The following MOK variants were observed in gnomAD, a reference collection of about 807,000 sequenced individuals.
MOK encodes the protein MOK protein kinase.
Under a neutral mutation model 54.2 loss-of-function variants are expected in MOK, and 59 were observed. The observed-to-expected ratio is 1.09, with a 90% CI of 0.88 to 1.35. The LOEUF (loss-of-function observed/expected upper bound fraction) is 1.35. Among genes scored for constraint, MOK ranks in the 40% most tolerant of loss-of-function variants. The pLI, the probability that MOK is intolerant of heterozygous loss-of-function variation, is 0.00. For synonymous variants in MOK, 210 were observed against 202.7 expected, an observed-to-expected ratio of 1.04 and a Z score of -0.31; for missense variants, 517 against 526.2, an observed-to-expected ratio of 0.98 and a Z score of 0.17.
the MOK span, among the ~76,000 whole-genome samples, chr14:102,217,353 C>G: frequency 2.0e-5 from 3 of 152,178 alleles, no homozygotes; most frequent in Admixed American, 2.0e-4. Context: ...GCAGCGGAGC[C>G]CTTAGATGGT....
chr14:102,241,677 T>A (rs1248885219), intron 7 of MOK, among the ~76,000 whole-genome samples: 2 of 152,130 alleles, frequency 1.3e-5, no homozygotes, highest in African/African-American at 4.8e-5. Flanking sequence ...CTCCAAAAAT[T>A]AGATTCCGGC....
At chr14:102,252,031 G>A in intron 4 of MOK, 36 bp from the exon 5 acceptor site, 1 of 1,132,326 alleles carries the variant, frequency 8.8e-7, no homozygotes, top group Non-Finnish European at 1.3e-6. Flanking sequence ...TACGGTTACT[G>A]ATGGTACATA....
chr14:102,293,737 GA>G (rs1164110639), intron 1 of MOK, among the ~76,000 whole-genome samples: 1 of 116,880 alleles, frequency 8.6e-6, no homozygotes, highest in Non-Finnish European at 1.9e-5. Flanking sequence ...GAAAAGAAAA[GA>G]AAAAAAAGAA....
intron 7 of MOK, among the ~76,000 whole-genome samples, chr14:102,243,395 C>A (rs1369218603): frequency 6.6e-6 from 1 of 152,160 alleles, no homozygotes; most frequent in East Asian, 1.9e-4. Flanking sequence ...AATTCTTACA[C>A]AAGAGCCGGG....
At position 102,304,960 on chromosome 14, in the gene MOK, A is replaced by G; in HGVS notation, c.7+2T>C. 1 of 1,540,848 alleles carries G rather than the reference A, an allele frequency of 6.5e-7. No individual in the cohort carries two copies. The highest frequency in any genetic ancestry group is 8.7e-7 in the Non-Finnish European group (1 of 1,145,380). On this transcript the variant is annotated splice_donor_variant, in intron 1 of 11. Coordinates refer to ENST00000361847, the MANE Select transcript of MOK (RefSeq NM_014226.3). LOFTEE classifies it high-confidence loss of function. ...CCTGCCCCTTTCCCCGGCCCCACTC[A>G]CTCTTCATCTTGGATGCGGAAGCCG...
rs1381175713 is a variant in MOK, at chr14:102,230,949, T to C, written c.981+758A>G. On this transcript the variant is annotated intron_variant, in intron 10 of 11. Transcript: ENST00000361847. The surrounding 1 kb of genome is among the most constrained non-coding windows in gnomAD (Gnocchi z 4.1). ...AATGGGACACAGGAGCCTGGCTTTC[T>C]GGAGAGCAGCCTGACTGCAGCTCTG... The C allele has an allele frequency of 6.6e-6, 1 of 152,310 alleles. No homozygotes were observed. The highest frequency in any genetic ancestry group is 1.5e-5 in the Non-Finnish European group (1 of 68,108). The allele number at this position is 152,310 out of a possible 1,614,324, so 9.4% of individuals were successfully genotyped here.
rs888995282 is a variant in MOK at position 102,232,034 on chromosome 14, C to T, written c.867-213G>A. 6.5e-6 allele frequency: 3 copies of T among 458,840 alleles called. No individual in the cohort carries two copies. Among genetic ancestry groups the T allele is most frequent in the Non-Finnish European group, 1.2e-5 (3 of 258,516 alleles). The allele number at this position is 458,840 out of a possible 1,614,324, so 28.4% of individuals were successfully genotyped here. A position where few individuals can be genotyped will look rare whatever the true frequency, so the allele number is the denominator to read the frequency against. ...CAGAGCTGGCTCCATGAATCAGAAG[C>T]GCTGCCTACCCAGGGACTCGCAGTT... On this transcript the variant is annotated intron_variant, in intron 9 of 11. Transcript: ENST00000361847. This position sits in a 1 kb window ranked among gnomAD's most constrained non-coding sequence, Gnocchi z 5.1.
At chr14:102,223,933 G>A (rs28647354), downstream of MOK, among the ~76,000 whole-genome samples, 5,415 of 152,142 alleles carry the variant, frequency 0.036, 96 homozygotes, top group African/African-American at 0.045. Flanking sequence ...ATACAACTCC[G>A]AGTCCTCCTT....
At chr14:102,265,725 CAAAGT>C (rs1448401580) in intron 3 of MOK, 93 bp downstream of exon 3, 7 of 977,338 alleles carry the variant, frequency 7.2e-6, no homozygotes, top group African/African-American at 4.9e-5. Context: ...CTCTGAGCTA[CAAAGT>C]AAATATTCAA....
Position 102,231,373 on chromosome 14 carries a change from G to A in MOK, c.981+334C>T. On this transcript the variant is annotated intron_variant, in intron 10 of 11. Transcript: ENST00000361847. This position sits in a 1 kb window ranked among gnomAD's most constrained non-coding sequence, Gnocchi z 4.4. Reference sequence around the variant, plus strand: ...AGGGCCGTTCTGAGGGGCGATGTCTGCACGGTGCTTTGGCATAGAACCTGG... The same window carrying A: ...AGGGCCGTTCTGAGGGGCGATGTCTACACGGTGCTTTGGCATAGAACCTGG... 1 of 209,422 alleles carries A rather than the reference G, an allele frequency of 4.8e-6. No individual in the cohort carries two copies. The highest frequency in any genetic ancestry group is 9.5e-6 in the Non-Finnish European group (1 of 105,136). 13.0% of individuals were successfully genotyped at this position (209,422 alleles called of 1,614,324 possible). A position where few individuals can be genotyped will look rare whatever the true frequency, so the allele number is the denominator to read the frequency against.
intron 1 of MOK, among the ~76,000 whole-genome samples, chr14:102,295,870 T>G (rs1009076921): frequency 1.4e-4 from 22 of 152,206 alleles, no homozygotes; most frequent in Admixed American, 6.5e-5. Flanking sequence ...GCGTGATGGC[T>G]CACATCTGTA....
intron 7 of MOK, among the ~76,000 whole-genome samples, chr14:102,243,674 G>T (rs143516102): frequency 0.018 from 2,811 of 152,286 alleles, 58 homozygotes; most frequent in South Asian, 0.095. Flanking sequence ...TCCTGGCCCA[G>T]ACTTCAATCC....
At chr14:102,288,666 C>T (rs983623607) in intron 1 of MOK, among the ~76,000 whole-genome samples, 8 of 152,094 alleles carry the variant, frequency 5.3e-5, no homozygotes, top group African/African-American at 1.7e-4. Flanking sequence ...AATCACTGAG[C>T]AGTATACTTT....
chr14:102,268,635 G>T (rs1260526169), intron 2 of MOK, among the ~76,000 whole-genome samples: 1 of 152,140 alleles, frequency 6.6e-6, no homozygotes, highest in Non-Finnish European at 1.5e-5. Context: ...GTAAAGATCG[G>T]CTGGGCACGG....
chr14:102,257,757 T>G (rs2067083653), intron 4 of MOK, among the ~76,000 whole-genome samples: 1 of 152,138 alleles, frequency 6.6e-6, no homozygotes, highest in Non-Finnish European at 1.5e-5. Flanking sequence ...GGTGGGCGGA[T>G]CACGAGGTCA....
chr14:102,242,131 C>T (rs1344221978), intron 7 of MOK, among the ~76,000 whole-genome samples: 1 of 152,242 alleles, frequency 6.6e-6, no homozygotes, highest in Non-Finnish European at 1.5e-5. Context: ...CCTCGGAAGC[C>T]TCCTGGACCA....
intron 1 of MOK, among the ~76,000 whole-genome samples, chr14:102,293,701 C>CAAAAAAAAAAAAAAAAAAAAAAAAAAA (rs10598736): frequency 2.2e-4 from 12 of 54,606 alleles, no homozygotes; most frequent in East Asian, 1.9e-3. Flanking sequence ...AACTCCATCA[C>CAAAAAAAAAAAAAAAAAAAAAAAAAAA]AAAAAAAAAA....
Position 102,229,179 on chromosome 14 carries a change from G to T in MOK, c.*110C>A. On this transcript the variant is annotated 3_prime_UTR_variant, in exon 12 of 12. Coordinates refer to ENST00000361847, the MANE Select transcript of MOK (RefSeq NM_014226.3). ...CCCAGAGCCCCGGCCAGCGCGAAAC[G>T]GACGCAGGCGCATCCCCAGCCCTCC... The T allele has an allele frequency of 8.3e-7, 1 of 1,204,604 alleles. No individual in the cohort carries two copies. Among genetic ancestry groups the T allele is most frequent in the Non-Finnish European group, 1.2e-6 (1 of 868,592 alleles). 74.6% of individuals were successfully genotyped at this position (1,204,604 alleles called of 1,614,324 possible).
At chr14:102,223,031 T>TCTGCGGCGCCGTGCTCCCGCTGCTCACC, downstream of MOK, 1 of 873,356 alleles carries the variant, frequency 1.1e-6, no homozygotes, top group East Asian at 2.7e-5. Context: ...ACCGGCTCAC[T>TCTGCGGCGCCGTGCTCCCGCTGCTCACC]CTGCGGCGCC....
Sources: allele counts gnomAD v4.1 joint callset (sites outside exome capture counted in the v4.1 genomes callset), GRCh38; gene constraint gnomAD v4.1.1; non-coding constraint Gnocchi (gnomAD v3.1); transcripts MANE v1.5; gene names NCBI Gene and HGNC (gene_info 2026-07-23, HGNC 2026-07-21).